The following CNOT6 variants were observed in gnomAD, a reference collection of about 807,000 sequenced individuals.
The protein encoded by CNOT6 is CCR4-NOT transcription complex subunit 6.
Under a neutral mutation model 61.2 loss-of-function variants are expected in CNOT6, and 12 were observed. The observed-to-expected ratio is 0.20, with a 90% CI of 0.13 to 0.32. The LOEUF (loss-of-function observed/expected upper bound fraction) is 0.32. Among genes scored for constraint, CNOT6 ranks in the 10% least tolerant of loss-of-function variants. CNOT6 has a pLI of 1.00. For synonymous variants in CNOT6, 225 were observed against 240.6 expected, an observed-to-expected ratio of 0.94 and a Z score of 0.60; for missense variants, 405 against 663.9, an observed-to-expected ratio of 0.61 and a Z score of 4.28.
chr5:180,561,780 C>G (rs1760202005), intron 4 of CNOT6, among the ~76,000 whole-genome samples: 2 of 152,152 alleles, frequency 1.3e-5, no homozygotes, highest in African/African-American at 4.8e-5. Context: ...TCCACAGGCA[C>G]CGCACTGGCG....
chr5:180,545,514 C>G (rs989714410), intron 2 of CNOT6, among the ~76,000 whole-genome samples: 2 of 151,902 alleles, frequency 1.3e-5, no homozygotes, highest in African/African-American at 4.8e-5. Context: ...TATACTTATC[C>G]TGTAGTTCAT....
At chr5:180,507,462 CG>C (rs1390267767) in intron 1 of CNOT6, among the ~76,000 whole-genome samples, 3 of 151,954 alleles carry the variant, frequency 2.0e-5, no homozygotes, top group Non-Finnish European at 2.9e-5. Context: ...ATTAGCCAGG[CG>C]TGGTGGTGGG....
chr5:180,522,980 G>A (rs975881160), intron 1 of CNOT6, among the ~76,000 whole-genome samples: 6 of 152,174 alleles, frequency 3.9e-5, no homozygotes, highest in East Asian at 1.9e-4. Flanking sequence ...CTTTATAGCC[G>A]GTCATCAGAA....
At chr5:180,570,386 A>G (rs1760687727) in intron 10 of CNOT6, among the ~76,000 whole-genome samples, 1 of 152,126 alleles carries the variant, frequency 6.6e-6, no homozygotes, top group African/African-American at 2.4e-5. Flanking sequence ...AAGAGAGAGA[A>G]AGAAAAACTG....
chr5:180,546,914 G>GAT (rs1581536513), intron 2 of CNOT6, among the ~76,000 whole-genome samples: 1 of 152,276 alleles, frequency 6.6e-6, no homozygotes, highest in East Asian at 1.9e-4. Flanking sequence ...TATGTGATGA[G>GAT]ATATCTTGGG....
chr5:180,517,680 A>T (rs913801186), intron 1 of CNOT6, among the ~76,000 whole-genome samples: 6 of 152,030 alleles, frequency 3.9e-5, no homozygotes, highest in Admixed American at 3.9e-4. Context: ...AGTAGCTGGG[A>T]CTACAGACGC....
intron 4 of CNOT6, among the ~76,000 whole-genome samples, chr5:180,558,115 A>G (rs1759990101): frequency 6.6e-6 from 1 of 152,210 alleles, no homozygotes; most frequent in South Asian, 2.1e-4. Flanking sequence ...GGCCCCAGGA[A>G]GGAATCGGCT....
chr5:180,530,493 C>T (rs1221643069), intron 2 of CNOT6, among the ~76,000 whole-genome samples: 1 of 151,966 alleles, frequency 6.6e-6, no homozygotes, highest in Admixed American at 6.5e-5. Flanking sequence ...AACTTAAATG[C>T]CTGCCTTTGC....
intron 2 of CNOT6, among the ~76,000 whole-genome samples, chr5:180,539,651 G>A (rs1328248685): frequency 8.6e-6 from 1 of 116,936 alleles, no homozygotes; most frequent in Admixed American, 1.2e-4. Flanking sequence ...GTGCAGTGGT[G>A]TGATCTCGGC....
chr5:180,572,060 A>C (rs76409864), intron 11 of CNOT6, among the ~76,000 whole-genome samples: 7,553 of 152,226 alleles, frequency 0.05, 256 homozygotes, highest in Non-Finnish European at 0.07. Context: ...GATATGCAGC[A>C]CCATAATTAT....
chr5:180,519,322 T>G (rs1285175481), intron 1 of CNOT6, among the ~76,000 whole-genome samples: 2 of 152,182 alleles, frequency 1.3e-5, no homozygotes, highest in African/African-American at 4.8e-5. Flanking sequence ...GAGGAATTCC[T>G]TGCATAGTGA....
intron 1 of CNOT6, among the ~76,000 whole-genome samples, chr5:180,503,288 G>A (rs1185849524): frequency 1.4e-5 from 2 of 146,338 alleles, no homozygotes; most frequent in Non-Finnish European, 3.0e-5. Flanking sequence ...TTGAGATGGA[G>A]TTTTCACTCT....
intron 2 of CNOT6, among the ~76,000 whole-genome samples, chr5:180,540,214 GTCAC>G (rs1426971772): frequency 6.6e-6 from 1 of 152,154 alleles, no homozygotes; most frequent in African/African-American, 2.4e-5. Flanking sequence ...GTACTCACTT[GTCAC>G]TCATTGGGAC....
intron 1 of CNOT6, among the ~76,000 whole-genome samples, chr5:180,509,887 A>G (rs1034815395): frequency 1.5e-5 from 2 of 131,984 alleles, no homozygotes; most frequent in African/African-American, 2.9e-5. Flanking sequence ...TGCAATTCAT[A>G]TGGTTTGCTT....
intron 1 of CNOT6, among the ~76,000 whole-genome samples, chr5:180,502,435 G>A (rs986006015): frequency 1.3e-5 from 2 of 152,144 alleles, no homozygotes; most frequent in Non-Finnish European, 2.9e-5. Context: ...ACAATTTTCA[G>A]CCTTCAGTTA....
At chr5:180,561,117 G>A (rs1760159350) in intron 4 of CNOT6, among the ~76,000 whole-genome samples, 1 of 152,028 alleles carries the variant, frequency 6.6e-6, no homozygotes, top group Admixed American at 6.6e-5. Context: ...TGCCTGGCTA[G>A]TTTTGTTTGT....
rs1212317844 is a variant in CNOT6, at chr5:180,571,270, T to C, written c.1299T>C (p.Asn433=). 1 of 1,614,144 alleles carries C rather than the reference T, an allele frequency of 6.2e-7. No individual in the cohort carries two copies. Among genetic ancestry groups the C allele is most frequent in the East Asian group, 2.2e-5 (1 of 44,890 alleles). Residue 433 remains asparagine (N), a synonymous_variant, in exon 11 of 12, where the codon AAT becomes AAC. Coordinates refer to ENST00000261951, the MANE Select transcript of CNOT6 (RefSeq NM_001370472.1). ...EYLSTGGVET[N]HKDFKELRYN... Reference sequence around the variant, plus strand: ...TGAGCACAGGTGGAGTAGAAACAAATCACAAAGACTTTAAGGAGTTGAGGT... The same window carrying C: ...TGAGCACAGGTGGAGTAGAAACAAACCACAAAGACTTTAAGGAGTTGAGGT...
chr5:180,508,755 TG>T (rs1466617603), intron 1 of CNOT6, among the ~76,000 whole-genome samples: 6 of 152,096 alleles, frequency 3.9e-5, no homozygotes, highest in Non-Finnish European at 8.8e-5. Flanking sequence ...CCCAGGTAGC[TG>T]GGACTGCAGG....
intron 4 of CNOT6, among the ~76,000 whole-genome samples, chr5:180,560,266 C>T (rs115060843): frequency 0.017 from 2,625 of 152,128 alleles, 90 homozygotes; most frequent in African/African-American, 0.061. Flanking sequence ...AACTGTCAAA[C>T]GTGATTTAGA....
Sources: gnomAD v4.1 joint callset for allele counts (sites outside exome capture counted in the v4.1 genomes callset) on GRCh38, gnomAD v4.1.1 for gene constraint, MANE v1.5 for transcripts, NCBI Gene and HGNC (gene_info 2026-07-23, HGNC 2026-07-21) for gene names.